The following CAMK1D variants were observed in gnomAD, a reference collection of about 807,000 sequenced individuals.
The protein encoded by CAMK1D is calcium/calmodulin dependent protein kinase ID, also known as calcium/calmodulin-dependent protein kinase type 1D.
Under a neutral mutation model 47.7 loss-of-function variants are expected in CAMK1D, and 9 were observed. That is an observed-to-expected ratio of 0.19 (90% CI 0.11 to 0.33). The LOEUF (loss-of-function observed/expected upper bound fraction) is 0.33. Among genes scored for constraint, CAMK1D ranks in the 10% least tolerant of loss-of-function variants. The pLI is 1.00. For missense variants in CAMK1D, 291 were observed against 488.7 expected (o/e 0.60, Z 3.81); for synonymous variants, 184 against 184.9 (o/e 0.99, Z 0.04).
intron 1 of CAMK1D, among the ~76,000 whole-genome samples, chr10:12,371,534 C>T (rs936363503): frequency 6.7e-6 from 1 of 149,808 alleles, no homozygotes; most frequent in African/African-American, 2.5e-5. Context: ...CGAGATCGTG[C>T]CACTGCACTC....
intron 3 of CAMK1D, among the ~76,000 whole-genome samples, chr10:12,671,661 A>G (rs190161386): frequency 0.012 from 1,887 of 151,854 alleles, 14 homozygotes; most frequent in Non-Finnish European, 0.02. Context: ...ACATATATAT[A>G]TTAAAATCCT....
At chr10:12,519,022 G>C (rs376823897) in intron 1 of CAMK1D, among the ~76,000 whole-genome samples, 1 of 114,956 alleles carries the variant, frequency 8.7e-6, no homozygotes, top group African/African-American at 3.2e-5. Context: ...CAGACGGGGT[G>C]GTGGCCGGGC....
chr10:12,521,118 T>A (rs191170082), intron 1 of CAMK1D, among the ~76,000 whole-genome samples: 1 of 152,214 alleles, frequency 6.6e-6, no homozygotes, highest in Non-Finnish European at 1.5e-5. Context: ...TTCAATTTCA[T>A]TGATTCCTGT....
intron 10 of CAMK1D, among the ~76,000 whole-genome samples, chr10:12,828,415 TG>T (rs1221104279): frequency 6.6e-6 from 1 of 151,972 alleles, no homozygotes; most frequent in African/African-American, 2.4e-5. Context: ...CTGAGGTGGG[TG>T]GATCACCTGA....
chr10:12,492,628 A>G (rs1408168516), intron 1 of CAMK1D, among the ~76,000 whole-genome samples: 1 of 152,194 alleles, frequency 6.6e-6, no homozygotes, highest in Non-Finnish European at 1.5e-5. Context: ...ACCTCATCTC[A>G]AATGAAATAA....
intron 2 of CAMK1D, among the ~76,000 whole-genome samples, chr10:12,595,342 G>GAAAAAAAAAAAAAAAA (rs535214333): frequency 0.068 from 1,609 of 23,554 alleles, 609 homozygotes; most frequent in Non-Finnish European, 0.085. Flanking sequence ...AACTCCATCT[G>GAAAAAAAAAAAAAAAA]AAAAAAAAAA....
chr10:12,545,768 C>T (rs750331292), intron 1 of CAMK1D, among the ~76,000 whole-genome samples: 2 of 151,874 alleles, frequency 1.3e-5, no homozygotes, highest in African/African-American at 2.4e-5. Context: ...GCACTGCACT[C>T]CAGCCCGGGT....
intron 2 of CAMK1D, among the ~76,000 whole-genome samples, chr10:12,585,833 G>T (rs898439272): frequency 9.9e-5 from 15 of 152,198 alleles, no homozygotes; most frequent in African/African-American, 3.6e-4. Context: ...AGTCTTCAGT[G>T]ACCTGCCATC....
intron 3 of CAMK1D, among the ~76,000 whole-genome samples, chr10:12,695,763 C>T (rs1330534356): frequency 2.0e-5 from 3 of 151,984 alleles, no homozygotes; most frequent in Non-Finnish European, 2.9e-5. Context: ...ACAATCCATG[C>T]GGAATGTAGT....
In CAMK1D at chr10:12,402,251, T is replaced by G. The variant is rs186335444; in HGVS notation, c.92+52341T>G. On this transcript the variant is annotated intron_variant, in intron 1 of 10. Transcript: ENST00000619168. ...GCCACCGCGCCTGACTGCCATTTTT[T>G]GAGACAGCATTTCAATCTGTTGCTC... Among the ~76,000 whole-genome samples, 221 of 152,078 alleles carry G rather than the reference T, an allele frequency of 1.5e-3. 1 individual carries two copies. The highest frequency in any genetic ancestry group is 2.5e-4 in the Non-Finnish European group (17 of 67,994).
intron 1 of CAMK1D, among the ~76,000 whole-genome samples, chr10:12,547,792 G>A (rs1484537762): frequency 6.6e-6 from 1 of 152,092 alleles, no homozygotes; most frequent in African/African-American, 2.4e-5. Flanking sequence ...CTGGAACAGG[G>A]GAAGTGTCTT....
At chr10:12,482,959 C>CT (rs1254290422) in intron 1 of CAMK1D, among the ~76,000 whole-genome samples, 2 of 152,164 alleles carry the variant, frequency 1.3e-5, no homozygotes, top group African/African-American at 4.8e-5. Flanking sequence ...GTTAATAACC[C>CT]TTTCCCTGCC....
chr10:12,574,468 A>ATTTT (rs1171556305), intron 2 of CAMK1D, among the ~76,000 whole-genome samples: 1,892 of 61,366 alleles, frequency 0.031, 321 homozygotes, highest in African/African-American at 0.13. Context: ...CGCCTAGCTA[A>ATTTT]TTTTTTTTTT....
chr10:12,567,248 G>A (rs1026724728), intron 2 of CAMK1D, among the ~76,000 whole-genome samples: 3 of 152,170 alleles, frequency 2.0e-5, no homozygotes, highest in Admixed American at 6.6e-5. Flanking sequence ...TCAGCTGCAG[G>A]CCTGAGAGCT....
intron 1 of CAMK1D, among the ~76,000 whole-genome samples, chr10:12,434,157 T>C (rs1832564508): frequency 6.6e-6 from 1 of 152,226 alleles, no homozygotes; most frequent in Non-Finnish European, 1.5e-5. Flanking sequence ...TCCTTTTCTA[T>C]TGCTTTCTTA....
At chr10:12,523,083 G>T (rs1278482689) in intron 1 of CAMK1D, among the ~76,000 whole-genome samples, 1 of 151,602 alleles carries the variant, frequency 6.6e-6, no homozygotes, top group African/African-American at 2.4e-5. Context: ...CGGCTGCCGG[G>T]TGGAGGGGCT....
At chr10:12,644,571 T>C (rs954590745) in intron 2 of CAMK1D, among the ~76,000 whole-genome samples, 2 of 152,198 alleles carry the variant, frequency 1.3e-5, no homozygotes, top group Non-Finnish European at 2.9e-5. Context: ...AGTTCATGCT[T>C]AGTGGGGTTC....
chr10:12,799,253 C>G (rs1307264216), intron 6 of CAMK1D, among the ~76,000 whole-genome samples: 2 of 151,506 alleles, frequency 1.3e-5, no homozygotes, highest in African/African-American at 4.8e-5. Context: ...TCTAGTCCAT[C>G]TCAGAAGTGC....
chr10:12,681,484 G>C (rs779162342), intron 3 of CAMK1D, among the ~76,000 whole-genome samples: 28 of 152,380 alleles, frequency 1.8e-4, no homozygotes, highest in Non-Finnish European at 3.7e-4. Flanking sequence ...GCTGGGTCCC[G>C]TGGAGGAAAC....
Sources: allele counts gnomAD v4.1 joint callset (sites outside exome capture counted in the v4.1 genomes callset), GRCh38; gene constraint gnomAD v4.1.1; transcripts MANE v1.5; gene names NCBI Gene and HGNC (gene_info 2026-07-23, HGNC 2026-07-21).